DCLK1: variants seen among roughly 807,000 people sequenced by gnomAD.
The protein encoded by DCLK1 is doublecortin like kinase 1.
A neutral mutation model predicts 86.2 loss-of-function variants in DCLK1; 16 were observed. The observed-to-expected ratio is 0.19, with a 90% CI of 0.13 to 0.28. DCLK1 has a LOEUF of 0.28. Among genes scored for constraint, DCLK1 ranks in the 10% least tolerant of loss-of-function variants. The pLI is 1.00. For synonymous variants in DCLK1, 369 were observed against 370.5 expected (o/e 1.00, Z 0.05); for missense variants, 590 against 940.2 (o/e 0.63, Z 4.87).
chr13:35,948,217 T>C (rs185906313), intron 3 of DCLK1, among the ~76,000 whole-genome samples: 43 of 152,366 alleles, frequency 2.8e-4, no homozygotes, highest in Non-Finnish European at 5.6e-4. Flanking sequence ...TTGCTCTCTG[T>C]CTTTGGATAG....
chr13:36,111,359 C>G (rs893209128), intron 3 of DCLK1, among the ~76,000 whole-genome samples: 1 of 152,100 alleles, frequency 6.6e-6, no homozygotes, highest in Admixed American at 6.5e-5. Context: ...TAGAAATATG[C>G]CTTTAAAGCT....
chr13:36,071,464 G>C (rs1883973463), intron 3 of DCLK1, among the ~76,000 whole-genome samples: 1 of 152,150 alleles, frequency 6.6e-6, no homozygotes, highest in Non-Finnish European at 1.5e-5. Flanking sequence ...CAGATAGTGA[G>C]AGATGAAATG....
intron 15 of DCLK1, among the ~76,000 whole-genome samples, chr13:35,795,925 CAAA>C (rs36039528): frequency 2.2e-5 from 2 of 90,122 alleles, no homozygotes; most frequent in Non-Finnish European, 4.4e-5. Flanking sequence ...AACTCCATCT[CAAA>C]AAAAAAAAAA....
chr13:35,908,626 A>C (rs901491085), intron 4 of DCLK1, among the ~76,000 whole-genome samples: 2 of 152,176 alleles, frequency 1.3e-5, no homozygotes, highest in African/African-American at 2.4e-5. Context: ...TTTCAGGCAG[A>C]AAGGTAGTTT....
chr13:35,810,915 C>T lies in DCLK1; in HGVS notation c.1608G>A (p.Leu536=), dbSNP rs755490663. 4 of 1,613,942 alleles carry T rather than the reference C, an allele frequency of 2.5e-6. No individual in the cohort carries two copies. Among genetic ancestry groups the T allele is most frequent in the Non-Finnish European group, 3.4e-6 (4 of 1,179,966 alleles). Residue 536 remains leucine, a synonymous_variant, in exon 12 of 17, where the codon CTG becomes CTA. Coordinates refer to ENST00000360631, the MANE Select transcript of DCLK1 (RefSeq NM_001330071.2). The part of the protein sequence containing the change: ...SKSLKLGDFG[L]ATIVDGPLYT... ...ACAGGGGGCCGTCTACAATGGTGGC[C>T]AGTCCAAAGTCACCCAGCTTCAGTG...
At chr13:36,005,250 G>T (rs1880899114) in intron 3 of DCLK1, among the ~76,000 whole-genome samples, 1 of 152,150 alleles carries the variant, frequency 6.6e-6, no homozygotes, top group Non-Finnish European at 1.5e-5. Context: ...TTGTAAGAGT[G>T]AGTATTTGGA....
chr13:35,816,497 T>C (rs1249815372), intron 11 of DCLK1, among the ~76,000 whole-genome samples: 1 of 152,224 alleles, frequency 6.6e-6, no homozygotes, highest in Non-Finnish European at 1.5e-5. Flanking sequence ...TCATTTATTG[T>C]ACACACAGGA....
intron 4 of DCLK1, among the ~76,000 whole-genome samples, chr13:35,910,562 A>G (rs963909938): frequency 3.9e-5 from 6 of 152,256 alleles, no homozygotes; most frequent in African/African-American, 1.4e-4. Context: ...TTCTTAGAAC[A>G]TAGAGTTCCT....
intron 2 of DCLK1, among the ~76,000 whole-genome samples, chr13:36,115,489 G>A (rs1003976035): frequency 6.6e-6 from 1 of 152,082 alleles, no homozygotes; most frequent in Non-Finnish European, 1.5e-5. Context: ...CAAACATCAT[G>A]ATTTTCTGGT....
At chr13:35,904,391 C>T (rs982325628) in intron 4 of DCLK1, among the ~76,000 whole-genome samples, 29 of 152,112 alleles carry the variant, frequency 1.9e-4, no homozygotes, top group African/African-American at 7.0e-4. Context: ...GGGGTTTCAC[C>T]GTGTTGGCCA....
chr13:36,055,359 C>T (rs1376407829), intron 3 of DCLK1, among the ~76,000 whole-genome samples: 2 of 152,168 alleles, frequency 1.3e-5, no homozygotes, highest in Non-Finnish European at 2.9e-5. Flanking sequence ...TCTAGTTCTA[C>T]CCCAGCCCCT....
chr13:35,933,405 G>A (rs1355176128), intron 4 of DCLK1, among the ~76,000 whole-genome samples: 1 of 152,202 alleles, frequency 6.6e-6, no homozygotes, highest in African/African-American at 2.4e-5. Context: ...TGAGGGCTCT[G>A]ACCCCACATT....
At chr13:36,112,707 C>A (rs1885658460) in intron 2 of DCLK1, among the ~76,000 whole-genome samples, 1 of 152,124 alleles carries the variant, frequency 6.6e-6, no homozygotes, top group Non-Finnish European at 1.5e-5. Context: ...TTGTAAAGCC[C>A]AGTAAAGTTC....
Position 35,879,787 on chromosome 13 carries a change from TG to T in DCLK1, c.824-8448del. Reference sequence around the variant, plus strand: ...GAACTTAATTTCCTGAAATGAATACTGATCTTTCCTTTTTCCCACATGTCAT... The same window carrying T: ...GAACTTAATTTCCTGAAATGAATACTATCTTTCCTTTTTCCCACATGTCAT... On this transcript the variant is annotated intron_variant, in intron 4 of 16. Coordinates refer to ENST00000360631, the MANE Select transcript of DCLK1 (RefSeq NM_001330071.2). Among the ~76,000 whole-genome samples, 3 of 152,356 alleles carry T rather than the reference TG, an allele frequency of 2.0e-5. No homozygotes were observed. The Middle Eastern group carries it at 0.01, about 518-fold the overall frequency.
At chr13:36,019,140 T>C (rs1450159298) in intron 3 of DCLK1, among the ~76,000 whole-genome samples, 2 of 152,182 alleles carry the variant, frequency 1.3e-5, no homozygotes, top group Non-Finnish European at 2.9e-5. Flanking sequence ...ACTCTCTGAA[T>C]TAATTTATTT....
At chr13:35,939,599 G>A (rs1876970501) in intron 4 of DCLK1, among the ~76,000 whole-genome samples, 2 of 152,112 alleles carry the variant, frequency 1.3e-5, no homozygotes, top group African/African-American at 4.8e-5. Context: ...GTTTCACCAT[G>A]TTGCCCAGGT....
rs563362723 is a variant in DCLK1 at position 35,810,933 on chromosome 13, C to T, written c.1590G>A (p.Lys530=). ...YEHQDGSKSL[K]LGDFGLATIV... Reference sequence around the variant, plus strand: ...TGGTGGCCAGTCCAAAGTCACCCAGCTTCAGTGATTTGCTGCCATCTTGGT... The same window carrying T: ...TGGTGGCCAGTCCAAAGTCACCCAGTTTCAGTGATTTGCTGCCATCTTGGT... Residue 530 remains lysine, a synonymous_variant, in exon 12 of 17, where the codon AAG becomes AAA. Transcript: ENST00000360631. 5.0e-6 allele frequency: 8 copies of T among 1,613,950 alleles called. No homozygotes were observed. Among genetic ancestry groups the T allele is most frequent in the Non-Finnish European group, 6.8e-6 (8 of 1,179,978 alleles).
intron 3 of DCLK1, among the ~76,000 whole-genome samples, chr13:36,014,795 G>C (rs1881465515): frequency 6.6e-6 from 1 of 152,156 alleles, no homozygotes; most frequent in Admixed American, 6.6e-5. Context: ...AAAGAAAATA[G>C]ATGTTTAAAC....
chr13:36,090,051 C>T (rs1218568754), intron 3 of DCLK1, among the ~76,000 whole-genome samples: 1 of 152,168 alleles, frequency 6.6e-6, no homozygotes, highest in Non-Finnish European at 1.5e-5. Context: ...ATGCACTTTG[C>T]CTTCATAAAC....
Sources: gnomAD v4.1 joint callset for allele counts (sites outside exome capture counted in the v4.1 genomes callset) on GRCh38, gnomAD v4.1.1 for gene constraint, MANE v1.5 for transcripts, NCBI Gene and HGNC (gene_info 2026-07-23, HGNC 2026-07-21) for gene names.